CLVS1: variants seen among roughly 807,000 people sequenced by gnomAD.
The protein encoded by CLVS1 is clavesin-1.
A neutral mutation model predicts 33.1 loss-of-function variants in CLVS1; 10 were observed. The observed-to-expected ratio is 0.30, with a 90% CI of 0.19 to 0.51. The LOEUF is 0.51. Ranked by LOEUF, CLVS1 falls within the 20% of genes least tolerant of loss-of-function variation. CLVS1 has a pLI of 0.97. For synonymous variants in CLVS1, 163 were observed against 166.1 expected, an observed-to-expected ratio of 0.98 and a Z score of 0.14; for missense variants, 343 against 433.4, an observed-to-expected ratio of 0.79 and a Z score of 1.85.
chr8:61,334,237 G>A (rs1420838896), intron 2 of CLVS1, among the ~76,000 whole-genome samples: 3 of 152,292 alleles, frequency 2.0e-5, no homozygotes, highest in Non-Finnish European at 4.4e-5. Flanking sequence ...GCTGAGTAGG[G>A]GCCTAAGTTC....
chr8:61,042,806 A>T, the CLVS1 span, among the ~76,000 whole-genome samples: 1 of 152,212 alleles, frequency 6.6e-6, no homozygotes, highest in Non-Finnish European at 1.5e-5. Context: ...GAAACTCATG[A>T]TCTGTTGCCT....
At chr8:61,130,856 A>G (rs1204371875) in intron 1 of CLVS1, among the ~76,000 whole-genome samples, 3 of 152,178 alleles carry the variant, frequency 2.0e-5, no homozygotes, top group Admixed American at 6.5e-5. Flanking sequence ...CCTTTCTTTC[A>G]CTACAAAATT....
At chr8:61,244,253 G>A (rs1808762994) in intron 2 of CLVS1, among the ~76,000 whole-genome samples, 1 of 151,794 alleles carries the variant, frequency 6.6e-6, no homozygotes, top group Non-Finnish European at 1.5e-5. Flanking sequence ...TGATCCATAA[G>A]TTATTTAAAT....
intron 2 of CLVS1, among the ~76,000 whole-genome samples, chr8:61,258,215 C>T (rs1476049332): frequency 6.6e-6 from 1 of 152,108 alleles, no homozygotes; most frequent in Non-Finnish European, 1.5e-5. Flanking sequence ...TGATAATGAA[C>T]AAGAAATGTA....
chr8:61,140,422 C>T (rs920527498), intron 2 of CLVS1, among the ~76,000 whole-genome samples: 1 of 152,154 alleles, frequency 6.6e-6, no homozygotes, highest in East Asian at 1.9e-4. Context: ...TTCTTCCGTC[C>T]TATTAGAAGT....
chr8:61,443,007 A>G (rs535994303), intron 3 of CLVS1, among the ~76,000 whole-genome samples: 3 of 152,156 alleles, frequency 2.0e-5, no homozygotes, highest in African/African-American at 4.8e-5. Context: ...ATATCTTCTC[A>G]TGTACTTATT....
chr8:61,298,086 A>T (rs1810284924), intron 1 of CLVS1, among the ~76,000 whole-genome samples: 1 of 152,172 alleles, frequency 6.6e-6, no homozygotes, highest in Non-Finnish European at 1.5e-5. Flanking sequence ...GATCAGTGTG[A>T]ATAGTTTCAG....
At chr8:61,331,154 G>T (rs544890130) in intron 2 of CLVS1, among the ~76,000 whole-genome samples, 39 of 152,254 alleles carry the variant, frequency 2.6e-4, no homozygotes, top group African/African-American at 8.4e-4. Context: ...GTTGGAAATT[G>T]CTTTTCTTCA....
chr8:61,470,732 A>G (rs1373212161), intron 5 of CLVS1, among the ~76,000 whole-genome samples: 1 of 152,228 alleles, frequency 6.6e-6, no homozygotes, highest in Non-Finnish European at 1.5e-5. Context: ...TCTCTCTGCA[A>G]TATTTTCTTA....
chr8:60,966,407 G>A, the CLVS1 span: 1 of 455,934 alleles, frequency 2.2e-6, no homozygotes, highest in East Asian at 6.9e-5. Context: ...TGGTCCCAGT[G>A]CTGCTTTGGT....
At chr8:61,122,569 AACACACACACAC>A (rs4033855) in intron 1 of CLVS1, among the ~76,000 whole-genome samples, 117 of 144,644 alleles carry the variant, frequency 8.1e-4, no homozygotes, top group African/African-American at 2.2e-3. Context: ...ATATTAAGAA[AACACACACACAC>A]ACACACACAC....
chr8:61,352,798 A>C (rs915015695), intron 2 of CLVS1, among the ~76,000 whole-genome samples: 6 of 152,026 alleles, frequency 3.9e-5, no homozygotes, highest in African/African-American at 1.4e-4. Flanking sequence ...ATAACAATAC[A>C]ACAATAAAAA....
intron 2 of CLVS1, among the ~76,000 whole-genome samples, chr8:61,180,357 C>A (rs1585667477): frequency 6.6e-6 from 1 of 152,004 alleles, no homozygotes; most frequent in African/African-American, 2.4e-5. Context: ...AATAGCCTAC[C>A]CACTAAAAAA....
At chr8:61,201,815 A>C (rs1397026288) in intron 2 of CLVS1, among the ~76,000 whole-genome samples, 1 of 152,222 alleles carries the variant, frequency 6.6e-6, no homozygotes, top group Non-Finnish European at 1.5e-5. Context: ...ATAGCACTAG[A>C]ACATAAATTT....
intron 3 of CLVS1, among the ~76,000 whole-genome samples, chr8:61,388,015 A>G (rs1284966236): frequency 6.6e-6 from 1 of 152,106 alleles, no homozygotes. Flanking sequence ...CTGGATTTTT[A>G]TATTTCAAAG....
intron 1 of CLVS1, among the ~76,000 whole-genome samples, chr8:61,122,931 T>C (rs1805903749): frequency 6.9e-6 from 1 of 144,108 alleles, no homozygotes; most frequent in African/African-American, 2.5e-5. Flanking sequence ...TTCTGCATGC[T>C]TTTTATAAAC....
chr8:61,316,455 C>G (rs901295782), intron 2 of CLVS1, among the ~76,000 whole-genome samples: 1 of 152,088 alleles, frequency 6.6e-6, no homozygotes, highest in Non-Finnish European at 1.5e-5. Context: ...CTTGTTAACT[C>G]AAGAGTATAA....
chr8:61,228,573 A>G (rs1331331518), intron 2 of CLVS1, among the ~76,000 whole-genome samples: 1 of 152,240 alleles, frequency 6.6e-6, no homozygotes, highest in Non-Finnish European at 1.5e-5. Context: ...CATAAAGTGT[A>G]GAATATTTCA....
chr8:61,359,255 T>A (rs1812871998), intron 2 of CLVS1, among the ~76,000 whole-genome samples: 2 of 152,234 alleles, frequency 1.3e-5, no homozygotes. Context: ...TCAGACCTTT[T>A]TAAGTTGGTA....
Sources: allele counts gnomAD v4.1 joint callset (sites outside exome capture counted in the v4.1 genomes callset), GRCh38; gene constraint gnomAD v4.1.1; transcripts MANE v1.5; gene names NCBI Gene and HGNC (gene_info 2026-07-23, HGNC 2026-07-21).